The following GRM8 variants were observed in gnomAD, a reference collection of about 807,000 sequenced individuals.
GRM8 encodes the protein metabotropic glutamate receptor 8.
GRM8 carries 47 observed loss-of-function variants against 87.2 expected under a neutral mutation model. The ratio of observed to expected loss-of-function variants is 0.54; its 90% CI spans 0.43 to 0.69. GRM8 has a LOEUF of 0.69. Ranked by LOEUF, GRM8 falls within the 30% of genes least tolerant of loss-of-function variation. The pLI is 0.00. For synonymous variants in GRM8, 396 were observed against 404.5 expected, an observed-to-expected ratio of 0.98 and a Z score of 0.25; for missense variants, 1,019 against 1,139.2, an observed-to-expected ratio of 0.89 and a Z score of 1.52.
chr7:126,519,274 T>G (rs775244537), intron 9 of GRM8, among the ~76,000 whole-genome samples: 16 of 152,126 alleles, frequency 1.1e-4, no homozygotes, highest in South Asian at 6.2e-4. Context: ...GACATCCAGA[T>G]AGAGCACATA....
intron 2 of GRM8, among the ~76,000 whole-genome samples, chr7:127,182,383 T>C (rs1393144258): frequency 1.3e-5 from 2 of 152,084 alleles, no homozygotes; most frequent in Non-Finnish European, 2.9e-5. Context: ...GGAACACTTC[T>C]ACACTGCTAG....
At chr7:126,939,182 T>G (rs921103128) in intron 3 of GRM8, among the ~76,000 whole-genome samples, 6 of 152,182 alleles carry the variant, frequency 3.9e-5, no homozygotes, top group African/African-American at 1.4e-4. Context: ...GCCTTGAGTT[T>G]TAATGAAAGA....
chr7:127,120,534 C>T (rs1413803074), intron 2 of GRM8, among the ~76,000 whole-genome samples: 1 of 152,150 alleles, frequency 6.6e-6, no homozygotes, highest in Non-Finnish European at 1.5e-5. Flanking sequence ...TGAATTTTAA[C>T]AAGATCTCCA....
intron 8 of GRM8, among the ~76,000 whole-genome samples, chr7:126,604,233 G>T (rs1041292322): frequency 6.6e-6 from 1 of 152,068 alleles, no homozygotes; most frequent in African/African-American, 2.4e-5. Flanking sequence ...CCATCAGAAA[G>T]TTTGCTCAAG....
At chr7:126,650,338 T>G (rs1320747866) in intron 7 of GRM8, among the ~76,000 whole-genome samples, 3 of 152,096 alleles carry the variant, frequency 2.0e-5, no homozygotes, top group African/African-American at 7.2e-5. Flanking sequence ...CTATAATCAG[T>G]TGACAGAGGA....
intron 3 of GRM8, among the ~76,000 whole-genome samples, chr7:126,991,913 T>A (rs1812697395): frequency 6.6e-6 from 1 of 152,210 alleles, no homozygotes; most frequent in Non-Finnish European, 1.5e-5. Flanking sequence ...AGTGGCTGCT[T>A]TGAACTTTAA....
intron 3 of GRM8, among the ~76,000 whole-genome samples, chr7:126,912,462 C>T (rs1043955909): frequency 6.6e-6 from 1 of 152,184 alleles, no homozygotes; most frequent in African/African-American, 2.4e-5. Context: ...AATTTGCAGA[C>T]AGAAGATTGT....
Position 127,242,684 on chromosome 7 carries a change from C to T in GRM8, c.510+11G>A, listed in dbSNP as rs1428574172. 3 of 1,609,484 alleles carry T rather than the reference C, an allele frequency of 1.9e-6. No individual in the cohort carries two copies. In the South Asian group the frequency reaches 3.3e-5, roughly 18 times the overall value. ...TTTCACAATGGTCAGAAAGACAATG[C>T]CTTTACCTACCTTAAAAAGTCTTAA... On this transcript the variant is annotated intron_variant, in intron 2 of 10. Transcript: ENST00000339582.
At position 126,525,977 on chromosome 7, in the gene GRM8, AT is replaced by A. The variant is rs372137063; in HGVS notation, c.2430+6974del. On this transcript the variant is annotated intron_variant, in intron 9 of 10. Coordinates refer to ENST00000339582, the MANE Select transcript of GRM8 (RefSeq NM_000845.3). ...AATATATATTAATACTTGGTTAAAT[AT>A]TTTTTCCACACTTTAAGGTAGGTGG... Among the ~76,000 whole-genome samples, 1,491 of 152,228 alleles carry A rather than the reference AT, an allele frequency of 9.8e-3. 22 individuals carry two copies. The highest frequency in any genetic ancestry group is 0.034 in the African/African-American group (1,398 of 41,530).
At chr7:126,636,582 C>A (rs1585311914) in intron 7 of GRM8, among the ~76,000 whole-genome samples, 1 of 152,070 alleles carries the variant, frequency 6.6e-6, no homozygotes, top group East Asian at 1.9e-4. Flanking sequence ...GATGCAGAAT[C>A]CATGGATACC....
intron 7 of GRM8, among the ~76,000 whole-genome samples, chr7:126,640,259 G>T (rs1186716100): frequency 1.3e-5 from 2 of 152,190 alleles, no homozygotes; most frequent in African/African-American, 2.4e-5. Context: ...TTCATGAGGT[G>T]TTAAGAAGGA....
At chr7:127,182,149 A>G (rs1160173833) in intron 2 of GRM8, among the ~76,000 whole-genome samples, 1 of 152,068 alleles carries the variant, frequency 6.6e-6, no homozygotes, top group Non-Finnish European at 1.5e-5. Context: ...AATCAATAAG[A>G]AAAAAACAAA....
chr7:126,869,329 A>T (rs1400059227), intron 6 of GRM8: 4 of 152,188 alleles, frequency 2.6e-5, no homozygotes, highest in Admixed American at 2.6e-4. Flanking sequence ...TTCTTTTAAG[A>T]CTATTTTGCC....
intron 6 of GRM8, among the ~76,000 whole-genome samples, chr7:126,784,919 A>C (rs1483320754): frequency 6.6e-6 from 1 of 152,198 alleles, no homozygotes; most frequent in Non-Finnish European, 1.5e-5. Flanking sequence ...AATTTAGATG[A>C]AGATATAAAC....
At chr7:126,806,305 C>G (rs79059842) in intron 6 of GRM8, among the ~76,000 whole-genome samples, 1 of 152,164 alleles carries the variant, frequency 6.6e-6, no homozygotes, top group African/African-American at 2.4e-5. Context: ...TTCGTGGTCT[C>G]GCGGCCTTCA....
intron 7 of GRM8, among the ~76,000 whole-genome samples, chr7:126,719,254 T>C (rs1812106713): frequency 6.7e-6 from 1 of 150,166 alleles, no homozygotes; most frequent in Non-Finnish European, 1.5e-5. Flanking sequence ...CAATAAATTA[T>C]CACAGTATGC....
chr7:126,795,028 A>C (rs1447465051), intron 6 of GRM8, among the ~76,000 whole-genome samples: 2 of 152,218 alleles, frequency 1.3e-5, no homozygotes, highest in Non-Finnish European at 2.9e-5. Flanking sequence ...GTATTTCTTT[A>C]ACATGCTTAT....
rs1447216258 is a variant in GRM8, at chr7:127,116,076, A to T, written c.511-9364T>A. ...GGTGACAATGAGCTATAATTGCACC[A>T]CTGTATTCCAGCCTGGGTGACAGAG... On this transcript the variant is annotated intron_variant, in intron 2 of 10. Transcript: ENST00000339582. Among the ~76,000 whole-genome samples the T allele has an allele frequency of 2.0e-5, 3 of 152,232 alleles. No individual in the cohort carries two copies. The East Asian group carries it at 5.8e-4, about 29-fold the overall frequency.
intron 3 of GRM8, among the ~76,000 whole-genome samples, chr7:126,970,754 C>T (rs1256967594): frequency 2.0e-5 from 3 of 152,110 alleles, no homozygotes; most frequent in Admixed American, 2.0e-4. Context: ...CTGCTTTCCT[C>T]ACCAAGCTTC....
Sources: gnomAD v4.1 joint callset for allele counts (sites outside exome capture counted in the v4.1 genomes callset) on GRCh38, gnomAD v4.1.1 for gene constraint, MANE v1.5 for transcripts, NCBI Gene and HGNC (gene_info 2026-07-23, HGNC 2026-07-21) for gene names.